Variants in TBC1D5 observed in about 807,000 individuals in gnomAD.
TBC1D5 encodes TBC1 domain family, member 5.
A neutral mutation model predicts 100.3 loss-of-function variants in TBC1D5; 75 were observed. The ratio of observed to expected loss-of-function variants is 0.75; its 90% CI spans 0.62 to 0.91. The LOEUF (loss-of-function observed/expected upper bound fraction) is 0.91, where lower values mean the gene tolerates loss of function less well. Ranked by LOEUF, TBC1D5 falls within the 40% of genes least tolerant of loss-of-function variation. TBC1D5 has a pLI of 0.00. For missense variants in TBC1D5, 910 were observed against 942.4 expected, an observed-to-expected ratio of 0.97 and a Z score of 0.45; for synonymous variants, 323 against 325.6, an observed-to-expected ratio of 0.99 and a Z score of 0.09.
At chr3:17,682,828 A>G (rs2069683665) in intron 1 of TBC1D5, among the ~76,000 whole-genome samples, 1 of 151,504 alleles carries the variant, frequency 6.6e-6, no homozygotes, top group African/African-American at 2.5e-5. Flanking sequence ...TCTAACTTAA[A>G]AACTTTTAGT....
chr3:17,653,467 A>G (rs143935408), intron 1 of TBC1D5, among the ~76,000 whole-genome samples: 1 of 152,182 alleles, frequency 6.6e-6, no homozygotes, highest in East Asian at 1.9e-4. Context: ...AATACCAGAC[A>G]AGGCCAAATT....
At chr3:17,163,898 C>A (rs73819653) in intron 21 of TBC1D5, among the ~76,000 whole-genome samples, 7,128 of 152,098 alleles carry the variant, frequency 0.047, 233 homozygotes, top group African/African-American at 0.094. Flanking sequence ...AGACAATATG[C>A]GGATTAAAAC....
At chr3:17,625,675 A>C (rs1313236931) in intron 1 of TBC1D5, among the ~76,000 whole-genome samples, 1 of 152,098 alleles carries the variant, frequency 6.6e-6, no homozygotes, top group African/African-American at 2.4e-5. Context: ...ATATTTTGCC[A>C]TTCTTTCAGC....
intron 1 of TBC1D5, among the ~76,000 whole-genome samples, chr3:17,635,303 G>C (rs1195624234): frequency 1.3e-5 from 2 of 152,170 alleles, no homozygotes; most frequent in African/African-American, 4.8e-5. Context: ...CTGAAGTTCA[G>C]GTAAGAGAGG....
At chr3:17,383,319 T>A (rs1038699056) in intron 9 of TBC1D5, among the ~76,000 whole-genome samples, 1 of 151,806 alleles carries the variant, frequency 6.6e-6, no homozygotes, top group Non-Finnish European at 1.5e-5. Flanking sequence ...GTATTTTTAT[T>A]AGAACACCAT....
intron 1 of TBC1D5, among the ~76,000 whole-genome samples, chr3:17,663,761 T>C (rs756341321): frequency 6.6e-6 from 1 of 152,214 alleles, no homozygotes; most frequent in Non-Finnish European, 1.5e-5. Context: ...TAGTAGTATA[T>C]GTAACAGTGG....
intron 1 of TBC1D5, among the ~76,000 whole-genome samples, chr3:17,700,364 A>C (rs1271563768): frequency 1.3e-5 from 2 of 152,174 alleles, no homozygotes; most frequent in Non-Finnish European, 2.9e-5. Context: ...TAGACCTAAA[A>C]CCATAAAAAC....
At chr3:17,663,279 C>T (rs1236789026) in intron 1 of TBC1D5, among the ~76,000 whole-genome samples, 1 of 105,746 alleles carries the variant, frequency 9.5e-6, no homozygotes, top group Non-Finnish European at 2.0e-5. Context: ...TTATATGACC[C>T]AAAAATAAAA....
chr3:17,631,043 C>CAAA (rs67069718), intron 1 of TBC1D5, among the ~76,000 whole-genome samples: 1 of 29,396 alleles, frequency 3.4e-5, no homozygotes, highest in Admixed American at 3.4e-4. Context: ...GACTCCGTCT[C>CAAA]AAAAAAAAAA....
rs549603994 is a variant in TBC1D5 at position 17,433,893 on chromosome 3, C to T, written c.98-5374G>A. Among the ~76,000 whole-genome samples the T allele has an allele frequency of 1.1e-4, 16 of 152,260 alleles. No homozygotes were observed. The South Asian group carries it at 3.1e-3, about 30-fold the overall frequency. On this transcript the variant is annotated intron_variant, in intron 3 of 21. Coordinates refer to ENST00000253692, the Ensembl canonical transcript of TBC1D5. ...TCCAAATGAGAGAAACTGACCAAAA[C>T]GAATGGGTACAAGCCCCATGCAAGT...
At chr3:17,717,030 C>A (rs575154561) in intron 1 of TBC1D5, among the ~76,000 whole-genome samples, 2 of 152,072 alleles carry the variant, frequency 1.3e-5, no homozygotes, top group Non-Finnish European at 2.9e-5. Context: ...ATGTAAATCA[C>A]TTCATTTTAT....
At chr3:17,471,536 A>T (rs1373448210) in intron 3 of TBC1D5, among the ~76,000 whole-genome samples, 1 of 152,132 alleles carries the variant, frequency 6.6e-6, no homozygotes, top group African/African-American at 2.4e-5. Flanking sequence ...GTAACAAATA[A>T]TAATACTACA....
At chr3:17,498,914 G>A (rs1024952311) in intron 3 of TBC1D5, among the ~76,000 whole-genome samples, 1 of 152,110 alleles carries the variant, frequency 6.6e-6, no homozygotes, top group African/African-American at 2.4e-5. Context: ...TTATATTGAT[G>A]ACTGTTATAT....
intron 13 of TBC1D5, among the ~76,000 whole-genome samples, chr3:17,358,859 T>C (rs1204763837): frequency 1.3e-5 from 2 of 152,004 alleles, no homozygotes; most frequent in African/African-American, 4.8e-5. Context: ...GATGGTACAC[T>C]GGTATAAAAA....
At chr3:17,353,463 G>T (rs2090870960) in intron 13 of TBC1D5, among the ~76,000 whole-genome samples, 1 of 151,956 alleles carries the variant, frequency 6.6e-6, no homozygotes, top group African/African-American at 2.4e-5. Context: ...TACTGAAATT[G>T]TAAATTACCT....
intron 8 of TBC1D5, among the ~76,000 whole-genome samples, chr3:17,397,702 C>A (rs1328068986): frequency 2.0e-5 from 3 of 152,124 alleles, no homozygotes; most frequent in Non-Finnish European, 4.4e-5. Context: ...TTTAAAAACT[C>A]ACCATGGAGA....
At chr3:17,585,338 G>A (rs1339732488) in intron 2 of TBC1D5, among the ~76,000 whole-genome samples, 1 of 152,094 alleles carries the variant, frequency 6.6e-6, no homozygotes, top group Non-Finnish European at 1.5e-5. Context: ...AGGGCATCAG[G>A]ATGCACATAC....
exon 5 of TBC1D5, chr3:17,406,502 T>C: frequency 6.2e-7 from 1 of 1,612,026 alleles, no homozygotes; most frequent in Non-Finnish European, 8.5e-7. Context: ...AATTGTTGTT[T>C]ACAAATAGTT....
At chr3:17,741,753 T>C (rs980245426), upstream of TBC1D5, among the ~76,000 whole-genome samples, 3 of 151,966 alleles carry the variant, frequency 2.0e-5, no homozygotes, top group African/African-American at 7.3e-5. Context: ...TCTGTGTGTT[T>C]TTCCAGGAAA....
Sources: gnomAD v4.1 joint callset for allele counts (sites outside exome capture counted in the v4.1 genomes callset) on GRCh38, gnomAD v4.1.1 for gene constraint, MANE v1.5 for transcripts, NCBI Gene and HGNC (gene_info 2026-07-23, HGNC 2026-07-21) for gene names.